The following ZMYM2 variants were observed in gnomAD, a reference collection of about 807,000 sequenced individuals.
ZMYM2 encodes the protein zinc finger MYM-type containing 2.
ZMYM2 carries 56 observed loss-of-function variants against 162.8 expected under a neutral mutation model. The ratio of observed to expected loss-of-function variants is 0.34; its 90% CI spans 0.28 to 0.43. ZMYM2 has a LOEUF of 0.43. Among genes scored for constraint, ZMYM2 ranks in the 20% least tolerant of loss-of-function variants. The pLI is 1.00. For synonymous variants in ZMYM2, 510 were observed against 541.6 expected, an observed-to-expected ratio of 0.94 and a Z score of 0.81; for missense variants, 1,275 against 1,621.8, an observed-to-expected ratio of 0.79 and a Z score of 3.67.
chr13:19,913,928 GAA>G, the ZMYM2 span, among the ~76,000 whole-genome samples: 48 of 152,330 alleles, frequency 3.2e-4, no homozygotes, highest in African/African-American at 9.6e-4. Context: ...GCCTGGAAGT[GAA>G]CAGTTGCAGT....
chr13:19,984,840 A>AT (rs957678894), intron 2 of ZMYM2, among the ~76,000 whole-genome samples: 5 of 152,336 alleles, frequency 3.3e-5, no homozygotes, highest in African/African-American at 4.8e-5. Flanking sequence ...AGAAAGACCT[A>AT]TTTTAGGCTA....
chr13:19,954,411 T>C (rs540558285), upstream of ZMYM2, among the ~76,000 whole-genome samples: 79 of 151,834 alleles, frequency 5.2e-4, 1 homozygote, highest in South Asian at 4.4e-3. Flanking sequence ...CCACCGCGCC[T>C]GGCCTGTTTA....
intron 14 of ZMYM2, among the ~76,000 whole-genome samples, chr13:20,053,213 G>A (rs1955514453): frequency 6.6e-6 from 1 of 152,130 alleles, no homozygotes; most frequent in South Asian, 2.1e-4. Context: ...AGCTCTTTGG[G>A]AGTCATTTAT....
chr13:19,887,623 T>C, the ZMYM2 span, among the ~76,000 whole-genome samples: 15,472 of 151,828 alleles, frequency 0.1, 1,005 homozygotes, highest in Middle Eastern at 0.14. Context: ...ATTTTTGATC[T>C]GGTTACTCAG....
intron 11 of ZMYM2, among the ~76,000 whole-genome samples, chr13:20,036,100 A>G (rs1388161198): frequency 1.3e-5 from 2 of 152,178 alleles, no homozygotes; most frequent in Non-Finnish European, 2.9e-5. Flanking sequence ...CATTCTACTT[A>G]CATAGCACAG....
chr13:19,928,230 C>A, the ZMYM2 span, among the ~76,000 whole-genome samples: 1 of 152,186 alleles, frequency 6.6e-6, no homozygotes, highest in Non-Finnish European at 1.5e-5. Flanking sequence ...TGTCCTCCAA[C>A]TCTTGGCTCA....
upstream of ZMYM2, among the ~76,000 whole-genome samples, chr13:19,955,414 G>A (rs1378667759): frequency 2.6e-5 from 4 of 152,032 alleles, no homozygotes; most frequent in Admixed American, 6.6e-5. Flanking sequence ...AACGATCAGA[G>A]GCTTAGAGAA....
chr13:20,027,144 A>G, intron 8 of ZMYM2, 59 bp from the exon 9 acceptor site: 3 of 1,252,776 alleles, frequency 2.4e-6, no homozygotes, highest in Non-Finnish European at 3.3e-6. Flanking sequence ...AGTAGTTAAG[A>G]TAAAAAAACT....
At chr13:19,959,858 C>G (rs780531717) in intron 1 of ZMYM2, 100 bp from the exon 2 acceptor site, 1 of 152,274 alleles carries the variant, frequency 6.6e-6, no homozygotes, top group South Asian at 2.1e-4. Flanking sequence ...ACCTCCTTGA[C>G]CTCTTATTCC....
chr13:19,902,740 C>T, the ZMYM2 span, among the ~76,000 whole-genome samples: 5 of 152,066 alleles, frequency 3.3e-5, no homozygotes, highest in Admixed American at 6.5e-5. Flanking sequence ...TAGCCAAATA[C>T]GATGGGTGAC....
chr13:20,021,200 C>T (rs2140186103), intron 7 of ZMYM2, among the ~76,000 whole-genome samples: 1 of 152,188 alleles, frequency 6.6e-6, no homozygotes, highest in African/African-American at 2.4e-5. Flanking sequence ...TGGTCTCGAT[C>T]TCCTGACCTC....
At chr13:20,046,563 AAAT>A (rs1158075376) in intron 12 of ZMYM2, among the ~76,000 whole-genome samples, 5 of 12,878 alleles carry the variant, frequency 3.9e-4, no homozygotes, top group East Asian at 2.6e-3. Flanking sequence ...CTAAAAAAAA[AAAT>A]ATATATATAT....
chr13:20,061,357 T>G, intron 17 of ZMYM2, 133 bp downstream of exon 17: 2 of 845,018 alleles, frequency 2.4e-6, no homozygotes, highest in Admixed American at 4.7e-5. Flanking sequence ...GTAACAAAAA[T>G]GTTTTTTATA....
At chr13:19,992,158 A>T (rs893180442) in intron 2 of ZMYM2, among the ~76,000 whole-genome samples, 1 of 150,086 alleles carries the variant, frequency 6.7e-6, no homozygotes, top group Non-Finnish European at 1.5e-5. Context: ...CAAAAAAAAC[A>T]ATTTATGCTT....
chr13:20,012,165 G>A (rs1252379871), intron 6 of ZMYM2, among the ~76,000 whole-genome samples: 1 of 151,422 alleles, frequency 6.6e-6, no homozygotes, highest in African/African-American at 2.4e-5. Context: ...AATTACAGGC[G>A]TGAGCCTCCG....
chr13:19,931,882 C>G, the ZMYM2 span, among the ~76,000 whole-genome samples: 5 of 152,216 alleles, frequency 3.3e-5, no homozygotes, highest in East Asian at 9.6e-4. Context: ...GCCTTGGACT[C>G]CCAAAGTCCT....
intron 12 of ZMYM2, among the ~76,000 whole-genome samples, chr13:20,037,657 T>G (rs1426228577): frequency 6.6e-6 from 1 of 152,190 alleles, no homozygotes; most frequent in Non-Finnish European, 1.5e-5. Context: ...ACTTTAAAAT[T>G]GAAAAGAACA....
chr13:20,032,690 C>T (rs1399341682), intron 10 of ZMYM2, among the ~76,000 whole-genome samples: 1 of 139,474 alleles, frequency 7.2e-6, no homozygotes, highest in East Asian at 2.3e-4. Flanking sequence ...CTCACTTCAA[C>T]CTCCACCTCC....
intron 7 of ZMYM2, among the ~76,000 whole-genome samples, chr13:20,020,153 A>G (rs895881419): frequency 6.6e-6 from 1 of 152,070 alleles, no homozygotes; most frequent in East Asian, 1.9e-4. Flanking sequence ...TTTGTCTGTT[A>G]ATGTCCCTTA....
Sources: gnomAD v4.1 joint callset for allele counts (sites outside exome capture counted in the v4.1 genomes callset) on GRCh38, gnomAD v4.1.1 for gene constraint, MANE v1.5 for transcripts, NCBI Gene and HGNC (gene_info 2026-07-23, HGNC 2026-07-21) for gene names.